The following CLMN variants were observed in gnomAD, a reference collection of about 807,000 sequenced individuals.
CLMN encodes calmin (calponin-like, transmembrane).
CLMN carries 57 observed loss-of-function variants against 92.7 expected under a neutral mutation model. The observed-to-expected ratio is 0.61, with a 90% CI of 0.50 to 0.77. The LOEUF is 0.77. Ranked by LOEUF, CLMN falls within the 30% of genes least tolerant of loss-of-function variation. CLMN has a pLI of 0.00. For synonymous variants in CLMN, 466 were observed against 470.6 expected (o/e 0.99, Z 0.13); for missense variants, 1,158 against 1,237.5 (o/e 0.94, Z 0.96).
At chr14:95,202,060 A>G (rs535622166) in intron 9 of CLMN, among the ~76,000 whole-genome samples, 57 of 152,178 alleles carry the variant, frequency 3.7e-4, no homozygotes, top group Non-Finnish European at 6.8e-4. Context: ...GTATGTCTTT[A>G]TAGCAGAATG....
intron 2 of CLMN, among the ~76,000 whole-genome samples, chr14:95,224,573 G>A (rs1897652842): frequency 6.6e-6 from 1 of 152,198 alleles, no homozygotes; most frequent in Non-Finnish European, 1.5e-5. Flanking sequence ...ATGAGCCACT[G>A]CGCCCGGCCA....
chr14:95,196,536 G>A lies in CLMN; in HGVS notation c.2670C>T (p.Asp890=). The change falls in exon 10 of 13, where the codon GAC becomes GAT. Residue 890 remains aspartate (D), a synonymous_variant. Coordinates refer to ENST00000298912, the MANE Select transcript of CLMN (RefSeq NM_024734.4). Reference sequence around the variant, plus strand: ...TGTAGTCGCTACTGTCTTCTTCTAGGTCATCTGAGGATTGAACACTTCCTG... The same window carrying A: ...TGTAGTCGCTACTGTCTTCTTCTAGATCATCTGAGGATTGAACACTTCCTG... ...VAPGSVQSSD[D]LEEDSSDYSI... 6.2e-7 allele frequency: 1 copy of A among 1,613,898 alleles called. No homozygotes were observed. Among genetic ancestry groups the A allele is most frequent in the Non-Finnish European group, 8.5e-7 (1 of 1,179,980 alleles).
intron 2 of CLMN, 62 bp downstream of exon 2, chr14:95,230,009 TG>T: frequency 6.6e-7 from 1 of 1,507,224 alleles, no homozygotes; most frequent in Non-Finnish European, 9.2e-7. Flanking sequence ...CTCCACTCTC[TG>T]GAACTGTAAA....
intron 1 of CLMN, among the ~76,000 whole-genome samples, chr14:95,249,002 CT>C (rs1898678807): frequency 6.6e-6 from 1 of 152,132 alleles, no homozygotes; most frequent in African/African-American, 2.4e-5. Context: ...AGAAAATTTT[CT>C]TTGTACAAAA....
chr14:95,278,272 G>T (rs1293574413), intron 1 of CLMN, among the ~76,000 whole-genome samples: 1 of 152,192 alleles, frequency 6.6e-6, no homozygotes, highest in African/African-American at 2.4e-5. Context: ...GGGAATAAGA[G>T]ATTTCATTAA....
chr14:95,191,905 C>G lies in CLMN; in HGVS notation c.2841-173G>C. On this transcript the variant is annotated intron_variant, in intron 12 of 12. Coordinates refer to ENST00000298912, the MANE Select transcript of CLMN (RefSeq NM_024734.4). This position sits in a 1 kb window ranked among gnomAD's most constrained non-coding sequence, Gnocchi z 5.3. The stretch of plus-strand genomic sequence containing the variant: ...CTGTGTGTACTGGCCCAAGGCAGTG[C>G]GTCGGGCCATCCAGGCAGCCCCTCG... 3.7e-6 allele frequency: 2 copies of G among 534,802 alleles called. No homozygotes were observed. The highest frequency in any genetic ancestry group is 5.8e-5 in the South Asian group (2 of 34,398). 33.1% of individuals were successfully genotyped at this position (534,802 alleles called of 1,614,324 possible). A position where few individuals can be genotyped will look rare whatever the true frequency, so the allele number is the denominator to read the frequency against.
rs1459849572 is a variant in CLMN at position 95,191,047 on chromosome 14, G to C, written c.*517C>G. ...GGATTTCCCCTAGTGAATGCAACCA[G>C]TTACCGGACTGCGACAGGTGCATGG... On this transcript the variant is annotated 3_prime_UTR_variant, in exon 13 of 13. Coordinates refer to ENST00000298912, the MANE Select transcript of CLMN (RefSeq NM_024734.4). The surrounding 1 kb of genome is among the most constrained non-coding windows in gnomAD (Gnocchi z 5.3). The C allele has an allele frequency of 1.3e-5, 2 of 152,376 alleles. No homozygotes were observed. Among genetic ancestry groups the C allele is most frequent in the African/African-American group, 4.8e-5 (2 of 41,452 alleles). 9.4% of individuals were successfully genotyped at this position (152,376 alleles called of 1,614,324 possible).
chr14:95,268,295 T>C (rs925759812), intron 1 of CLMN, among the ~76,000 whole-genome samples: 4 of 151,906 alleles, frequency 2.6e-5, no homozygotes, highest in African/African-American at 9.7e-5. Context: ...GTATCGTTTA[T>C]GTAACAATTT....
At chr14:95,277,709 C>A (rs1383808391) in intron 1 of CLMN, among the ~76,000 whole-genome samples, 1 of 152,218 alleles carries the variant, frequency 6.6e-6, no homozygotes, top group African/African-American at 2.4e-5. Context: ...CTCACTGCAA[C>A]CTCTGCCTCC....
intron 1 of CLMN, among the ~76,000 whole-genome samples, chr14:95,266,165 A>G (rs1265475648): frequency 6.6e-6 from 1 of 152,248 alleles, no homozygotes; most frequent in Non-Finnish European, 1.5e-5. Flanking sequence ...GTCCACTGTC[A>G]TTACTTTTAT....
chr14:95,301,421 G>A (rs113665493), intron 1 of CLMN, among the ~76,000 whole-genome samples: 12 of 152,298 alleles, frequency 7.9e-5, no homozygotes, highest in African/African-American at 2.9e-4. Flanking sequence ...ACCTCCTGCC[G>A]TGTGTGGAAC....
chr14:95,274,978 CAAA>C (rs5810718), intron 1 of CLMN, among the ~76,000 whole-genome samples: 10 of 76,364 alleles, frequency 1.3e-4, no homozygotes, highest in Non-Finnish European at 1.7e-4. Context: ...CACTCTGTCT[CAAA>C]AAAAAAAAAA....
chr14:95,265,156 G>T lies in CLMN; in HGVS notation c.83-35023C>A, dbSNP rs373530996. Among the ~76,000 whole-genome samples the T allele has an allele frequency of 2.0e-5, 3 of 151,906 alleles. No individual in the cohort carries two copies. The East Asian group carries it at 5.8e-4, about 29-fold the overall frequency. ...GCTCTGGGAGGGTGAGGCTGAGAGG[G>T]TCTCAGCCTGGGAGGCAGAGGTTGC... On this transcript the variant is annotated intron_variant, in intron 1 of 12. Coordinates refer to ENST00000298912, the MANE Select transcript of CLMN (RefSeq NM_024734.4).
chr14:95,202,170 A>T (rs1896903714), intron 9 of CLMN, among the ~76,000 whole-genome samples: 1 of 152,210 alleles, frequency 6.6e-6, no homozygotes, highest in African/African-American at 2.4e-5. Flanking sequence ...ACTGTCTTCC[A>T]CAATGGTTGG....
At position 95,194,351 on chromosome 14, in the gene CLMN, A is replaced by G; in HGVS notation, c.2769+185T>C. ...AATCCTCACTTTATTTACATCTCTT[A>G]TTGCCCAAACCGGATATCCGATCGG... On this transcript the variant is annotated intron_variant, in intron 11 of 12. Coordinates refer to ENST00000298912, the MANE Select transcript of CLMN (RefSeq NM_024734.4). This position sits in a 1 kb window ranked among gnomAD's most constrained non-coding sequence, Gnocchi z 4.0. 1 of 1,439,702 alleles carries G rather than the reference A, an allele frequency of 6.9e-7. No homozygotes were observed. Among genetic ancestry groups the G allele is most frequent in the African/African-American group, 1.4e-5 (1 of 69,712 alleles). 89.2% of individuals were successfully genotyped at this position (1,439,702 alleles called of 1,614,324 possible).
In CLMN at chr14:95,259,762, C is replaced by T. The variant is rs1899177136; in HGVS notation, c.83-29629G>A. ...CATGCAAACTCAAAACCATGGCATG[C>T]ATAACCCCTCAAAGGTTCTTCTTCA... On this transcript the variant is annotated intron_variant, in intron 1 of 12. Coordinates refer to ENST00000298912, the MANE Select transcript of CLMN (RefSeq NM_024734.4). The surrounding 1 kb of genome is among the most constrained non-coding windows in gnomAD (Gnocchi z 4.3). Among the ~76,000 whole-genome samples, 1 of 152,138 alleles carries T rather than the reference C, an allele frequency of 6.6e-6. No individual in the cohort carries two copies. The highest frequency in any genetic ancestry group is 1.5e-5 in the Non-Finnish European group (1 of 68,012).
chr14:95,313,643 A>AC (rs1288458320), intron 1 of CLMN, among the ~76,000 whole-genome samples: 4 of 150,784 alleles, frequency 2.7e-5, no homozygotes, highest in Non-Finnish European at 5.9e-5. Context: ...GTTTAAACAA[A>AC]AAAAAAAAAA....
At chr14:95,281,963 C>T (rs887298436) in intron 1 of CLMN, among the ~76,000 whole-genome samples, 16 of 152,282 alleles carry the variant, frequency 1.1e-4, no homozygotes, top group South Asian at 4.1e-4. Context: ...CTTCAATTCA[C>T]GAAAGAGCTG....
At chr14:95,308,308 G>A (rs913085699) in intron 1 of CLMN, among the ~76,000 whole-genome samples, 1 of 152,166 alleles carries the variant, frequency 6.6e-6, no homozygotes, top group East Asian at 1.9e-4. Context: ...CTGACATCTT[G>A]CCCAACATCC....
Sources: allele counts gnomAD v4.1 joint callset (sites outside exome capture counted in the v4.1 genomes callset), GRCh38; gene constraint gnomAD v4.1.1; non-coding constraint Gnocchi (gnomAD v3.1); transcripts MANE v1.5; gene names NCBI Gene and HGNC (gene_info 2026-07-23, HGNC 2026-07-21).